The following SP140 variants were observed in gnomAD, a reference collection of about 807,000 sequenced individuals.
SP140 encodes the protein SP140 nuclear body protein, also known as nuclear body protein SP140.
In SP140, 81 loss-of-function variants were observed where a neutral mutation model predicts 125.0. The ratio of observed to expected loss-of-function variants is 0.65; its 90% CI spans 0.54 to 0.78. The LOEUF is 0.78. SP140 is among the 30% of genes least tolerant of loss of function. SP140 has a pLI of 0.00. For missense variants in SP140, 858 were observed against 1,037.0 expected (o/e 0.83, Z 2.37); for synonymous variants, 312 against 354.0 (o/e 0.88, Z 1.33).
intron 1 of SP140, among the ~76,000 whole-genome samples, chr2:230,205,598 TA>T (rs35825596): frequency 0.13 from 19,116 of 150,726 alleles, 1,347 homozygotes; most frequent in South Asian, 0.27. Flanking sequence ...TTTCTCTCTT[TA>T]AAAAAAAAAT....
At chr2:230,193,128 G>A in the SP140 span, among the ~76,000 whole-genome samples, 1 of 152,104 alleles carries the variant, frequency 6.6e-6, no homozygotes, top group Admixed American at 6.6e-5. Flanking sequence ...TTTTTTTACT[G>A]TTGTTGCTTT....
chr2:230,206,811 C>T (rs940386022), intron 1 of SP140, among the ~76,000 whole-genome samples: 4 of 151,634 alleles, frequency 2.6e-5, no homozygotes, highest in African/African-American at 9.7e-5. Context: ...CTTCCCACAC[C>T]ATGAGAATTA....
chr2:230,201,372 G>A (rs1024131791), upstream of SP140, among the ~76,000 whole-genome samples: 3 of 152,172 alleles, frequency 2.0e-5, no homozygotes, highest in Admixed American at 6.5e-5. Flanking sequence ...TACAGATTGA[G>A]CAAGAGCAAT....
intron 26 of SP140, among the ~76,000 whole-genome samples, chr2:230,312,308 A>C (rs576190567): frequency 8.4e-4 from 128 of 152,364 alleles, no homozygotes; most frequent in African/African-American, 3.0e-3. Context: ...TGTATTTCAC[A>C]CTTCAACATT....
chr2:230,310,509 A>C (rs2702262), intron 23 of SP140: 8 of 905,968 alleles, frequency 8.8e-6, no homozygotes, highest in South Asian at 6.7e-5. Flanking sequence ...AGGAGAGTCC[A>C]CACTCACGGT....
At chr2:230,272,454 C>T (rs983523184) in intron 15 of SP140, among the ~76,000 whole-genome samples, 6 of 152,100 alleles carry the variant, frequency 3.9e-5, no homozygotes, top group Non-Finnish European at 8.8e-5. Flanking sequence ...CCGGTTTTTC[C>T]TGTGCTATTC....
intron 8 of SP140, 113 bp from the exon 9 acceptor site, chr2:230,248,772 C>T (rs369683893): frequency 5.8e-5 from 45 of 769,526 alleles, no homozygotes; most frequent in Middle Eastern, 7.4e-4. Context: ...GGAGAAAAGG[C>T]GGAACAAGAC....
chr2:230,261,484 A>C (rs2052225956), intron 12 of SP140, among the ~76,000 whole-genome samples: 1 of 152,164 alleles, frequency 6.6e-6, no homozygotes. Context: ...GACTTCCAGT[A>C]CTATGTTGAA....
intron 3 of SP140, among the ~76,000 whole-genome samples, chr2:230,217,131 A>G (rs1375661302): frequency 6.6e-6 from 1 of 151,774 alleles, no homozygotes; most frequent in African/African-American, 2.4e-5. Context: ...CTGTAGTCCC[A>G]GCTACTTGGG....
rs779132307 is a variant in SP140 at position 230,225,852 on chromosome 2, A to G, written c.8A>G (p.Gln3Arg). 1 of 1,613,588 alleles carries G rather than the reference A, an allele frequency of 6.2e-7. No individual in the cohort carries two copies. Among genetic ancestry groups the G allele is most frequent in the Non-Finnish European group, 8.5e-7 (1 of 1,179,486 alleles). ...TGATCCTAGGCCAAGCTCATGGCCC[A>G]GCAGGGCCAGCAGGGGCAGATGGCA... is the stretch of plus-strand genomic sequence containing the variant. MA[Q>R]QGQQGQMASG... Residue 3 changes from glutamine (Q) to arginine (R), a missense_variant, in exon 1 of 27, where the codon CAG (glutamine) becomes CGG (arginine). Transcript: ENST00000392045.
At chr2:230,275,466 C>A (rs2054573300) in intron 15 of SP140, among the ~76,000 whole-genome samples, 2 of 152,076 alleles carry the variant, frequency 1.3e-5, no homozygotes, top group African/African-American at 2.4e-5. Context: ...TGTTACTATT[C>A]TAACTGTCTA....
intron 15 of SP140, among the ~76,000 whole-genome samples, chr2:230,273,350 A>G (rs921953316): frequency 2.6e-5 from 4 of 152,220 alleles, no homozygotes; most frequent in African/African-American, 4.8e-5. Context: ...ACAAAGCTCA[A>G]CATCACTGAT....
intron 2 of SP140, 87 bp from the exon 3 acceptor site, chr2:230,238,126 A>G (rs2048238724): frequency 1.1e-6 from 1 of 905,700 alleles, no homozygotes; most frequent in Non-Finnish European, 1.7e-6. Context: ...ACATTTCACA[A>G]GAGAACAGAT....
chr2:230,308,687 G>A (rs2059050084), intron 22 of SP140, among the ~76,000 whole-genome samples: 1 of 152,208 alleles, frequency 6.6e-6, no homozygotes, highest in Non-Finnish European at 1.5e-5. Context: ...ATAATTCCAT[G>A]GCTGGCAGGG....
chr2:230,290,361 T>A (rs1277913962), intron 18 of SP140, 99 bp from the exon 19 acceptor site: 6 of 1,091,086 alleles, frequency 5.5e-6, no homozygotes, highest in Non-Finnish European at 8.1e-6. Context: ...GGAATAGAAT[T>A]TCCTAAGTAT....
intron 22 of SP140, among the ~76,000 whole-genome samples, chr2:230,306,830 G>A (rs950710757): frequency 6.6e-6 from 1 of 152,236 alleles, no homozygotes; most frequent in Non-Finnish European, 1.5e-5. Flanking sequence ...GGCACCATGG[G>A]TGGTGGGGAA....
chr2:230,235,865 A>T (rs912851716), intron 1 of SP140, among the ~76,000 whole-genome samples: 2 of 134,590 alleles, frequency 1.5e-5, no homozygotes, highest in African/African-American at 5.7e-5. Context: ...TTTTCTTGTG[A>T]CTGTTTTTTT....
At chr2:230,221,916 G>C, upstream of SP140, 162 of 592,266 alleles carry the variant, frequency 2.7e-4, no homozygotes, top group Non-Finnish European at 3.1e-4. Context: ...GAGGATGAAA[G>C]ATGTTTATTC....
chr2:230,301,804 A>G (rs1277035215), intron 22 of SP140, among the ~76,000 whole-genome samples: 7 of 152,220 alleles, frequency 4.6e-5, no homozygotes, highest in Admixed American at 3.9e-4. Context: ...TGTTGAATGT[A>G]AATGACCTAA....
Sources: gnomAD v4.1 joint callset for allele counts (sites outside exome capture counted in the v4.1 genomes callset) on GRCh38, gnomAD v4.1.1 for gene constraint, MANE v1.5 for transcripts, NCBI Gene and HGNC (gene_info 2026-07-23, HGNC 2026-07-21) for gene names.